The following JAKMIP3 variants were observed in gnomAD, a reference collection of about 807,000 sequenced individuals.
The protein encoded by JAKMIP3 is Janus kinase and microtubule interacting protein 3, also known as janus kinase and microtubule-interacting protein 3.
A neutral mutation model predicts 118.5 loss-of-function variants in JAKMIP3; 58 were observed. That is an observed-to-expected ratio of 0.49 (90% confidence interval 0.40 to 0.61). The LOEUF (loss-of-function observed/expected upper bound fraction) is 0.61, where lower values mean the gene tolerates loss of function less well. JAKMIP3 is among the 20% of genes least tolerant of loss of function. The probability of loss-of-function intolerance (pLI) is 0.00; values close to 1 mark genes in which losing one functional copy is unlikely to be tolerated. For synonymous variants in JAKMIP3, 486 were observed against 451.2 expected (o/e 1.08, Z -0.98); for missense variants, 950 against 1,109.0 (o/e 0.86, Z 2.04).
chr10:132,067,314 T>C (rs190633986), intron 1 of JAKMIP3, among the ~76,000 whole-genome samples: 7 of 151,900 alleles, frequency 4.6e-5, no homozygotes, highest in Non-Finnish European at 1.0e-4. Context: ...ATTCCCGAGG[T>C]TTCCCTGCCT....
At chr10:132,099,946 G>A (rs79672184) in intron 1 of JAKMIP3, among the ~76,000 whole-genome samples, 2,275 of 152,316 alleles carry the variant, frequency 0.015, 68 homozygotes, top group African/African-American at 0.052. Flanking sequence ...TGAGATTCAC[G>A]CTGCGTTGCT....
intron 23 of JAKMIP3, among the ~76,000 whole-genome samples, chr10:132,174,338 G>A (rs1054427017): frequency 1.7e-4 from 26 of 152,052 alleles, no homozygotes; most frequent in African/African-American, 1.4e-4. Context: ...CTGTGTTTAC[G>A]TTCAGCAAAA....
Position 132,135,026 on chromosome 10 carries a change from T to G in JAKMIP3, c.850-15T>G. 1.9e-6 allele frequency: 3 copies of G among 1,611,714 alleles called. No individual in the cohort carries two copies. The highest frequency in any genetic ancestry group is 2.2e-5 in the South Asian group (2 of 91,028). ...GTGGGTAGGAACCGTTATTTGCAGTTGATTTTTGTTTTAGGAACAGCAGTT... is the reference window on the plus strand; with the variant it reads ...GTGGGTAGGAACCGTTATTTGCAGTGGATTTTTGTTTTAGGAACAGCAGTT... On this transcript the variant is annotated splice_polypyrimidine_tract_variant and intron_variant, in intron 4 of 23. Coordinates refer to ENST00000684848, the MANE Select transcript of JAKMIP3 (RefSeq NM_001323087.2).
At chr10:132,038,912 C>T (rs2037615026) in intron 1 of JAKMIP3, among the ~76,000 whole-genome samples, 1 of 151,920 alleles carries the variant, frequency 6.6e-6, no homozygotes, top group Non-Finnish European at 1.5e-5. Flanking sequence ...AAGAGCTGGG[C>T]TGCAGGGGCT....
rs998424868 is a variant in JAKMIP3, at chr10:132,093,045, G to A, written c.-137-11627G>A. ...TTTCTGGAGGTCCACTCCAGACCCT[G>A]TTTGCCTGGGTGTCAGCAGTGGAGG... On this transcript the variant is annotated intron_variant, in intron 1 of 23. Transcript: ENST00000684848. 2.0e-5 allele frequency among the ~76,000 whole-genome samples: 3 copies of A among 152,346 alleles called. No individual in the cohort carries two copies. The East Asian group carries it at 5.8e-4, about 29-fold the overall frequency.
chr10:132,047,636 C>A (rs61215331), intron 1 of JAKMIP3, among the ~76,000 whole-genome samples: 18,678 of 99,650 alleles, frequency 0.19, 1,300 homozygotes, highest in African/African-American at 0.23. Context: ...TCCCCACCCC[C>A]CCCTGCGAGT....
At chr10:132,180,758 T>TGC (rs1554963450) in intron 23 of JAKMIP3, among the ~76,000 whole-genome samples, 402 of 18,056 alleles carry the variant, frequency 0.022, 91 homozygotes, top group East Asian at 0.039. Flanking sequence ...CGCGCGTGTG[T>TGC]GCGTGTGTGT....
In JAKMIP3 at chr10:132,178,050, C is replaced by T. The variant is rs180993673; in HGVS notation, c.*1104-4307C>T. Among the ~76,000 whole-genome samples, 77 of 152,342 alleles carry T rather than the reference C, an allele frequency of 5.1e-4. No individual in the cohort carries two copies. The South Asian group carries it at 7.0e-3, about 14-fold the overall frequency. ...GTGTGTGAACCTGCTCCTGTGCACC[C>T]GCTTCTGTGCACCCACTTCACTGTC... On this transcript the variant is annotated intron_variant, in intron 23 of 23. Transcript: ENST00000684848.
intron 2 of JAKMIP3, among the ~76,000 whole-genome samples, chr10:132,114,206 G>T (rs1376707123): frequency 6.6e-6 from 1 of 152,226 alleles, no homozygotes; most frequent in Non-Finnish European, 1.5e-5. Context: ...CTTCTGTGCA[G>T]CATGGCACAA....
chr10:132,174,636 T>C (rs1465331673), intron 23 of JAKMIP3, among the ~76,000 whole-genome samples: 1 of 152,162 alleles, frequency 6.6e-6, no homozygotes, highest in Non-Finnish European at 1.5e-5. Flanking sequence ...ATACCTAGGA[T>C]TGGGTCTGCT....
intron 1 of JAKMIP3, among the ~76,000 whole-genome samples, chr10:132,085,386 T>G (rs9419354): frequency 0.12 from 17,778 of 152,224 alleles, 1,218 homozygotes; most frequent in East Asian, 0.3. Flanking sequence ...GAATGATCTT[T>G]TGTATTTCTG....
At chr10:132,130,527 G>T (rs2135628212) in intron 3 of JAKMIP3, among the ~76,000 whole-genome samples, 1 of 152,358 alleles carries the variant, frequency 6.6e-6, no homozygotes, top group East Asian at 1.9e-4. Context: ...AGTGACGCCT[G>T]CCAGACGTGA....
chr10:132,055,412 T>A (rs2038211470), intron 1 of JAKMIP3, among the ~76,000 whole-genome samples: 1 of 152,172 alleles, frequency 6.6e-6, no homozygotes, highest in Non-Finnish European at 1.5e-5. Context: ...AAACAGTGGC[T>A]AAGAGCACAT....
At chr10:132,139,490 GTATGTGAGTGTGTA>G (rs1303574536) in intron 9 of JAKMIP3, among the ~76,000 whole-genome samples, 90 of 141,076 alleles carry the variant, frequency 6.4e-4, no homozygotes, top group African/African-American at 2.0e-3. Context: ...GTGTGTGAGA[GTATGTGAGTGTGTA>G]TGTGTGAGTG....
intron 3 of JAKMIP3, among the ~76,000 whole-genome samples, chr10:132,126,112 C>T (rs1491191): frequency 0.79 from 119,570 of 152,044 alleles, 48,054 homozygotes; most frequent in East Asian, 0.99. Context: ...CTTTTGTTTT[C>T]TCCTTTGCCT....
chr10:132,149,434 C>T lies in JAKMIP3; in HGVS notation c.1871C>T (p.Ala624Val). The change falls in exon 15 of 24, where the codon GCC becomes GTC. Residue 624 changes from alanine to valine, a missense_variant. By Grantham distance (64) the Ala-to-Val change is moderately conservative (BLOSUM62 0). Transcript: ENST00000684848. ...TAGGAGAGGGAGAGGAAGTCACCCG[C>T]CATCAGCTTCCACCACACGCCCTTC... The part of the protein sequence containing the change: ...ELEERERKSP[A>V]ISFHHTPFVD... 6.2e-7 allele frequency: 1 copy of T among 1,605,204 alleles called. No individual in the cohort carries two copies. The highest frequency in any genetic ancestry group is 8.5e-7 in the Non-Finnish European group (1 of 1,176,632).
chr10:132,154,962 TATCATGATGGTGATCATGATGGGG>T (rs2056859747), intron 19 of JAKMIP3, among the ~76,000 whole-genome samples: 2 of 8,682 alleles, frequency 2.3e-4, no homozygotes, highest in African/African-American at 8.0e-4. Flanking sequence ...TGATAATGGT[TATCATGATGGTGATCATGATGGGG>T]ATGATGGTGA....
intron 1 of JAKMIP3, among the ~76,000 whole-genome samples, chr10:132,088,188 A>T (rs887977720): frequency 6.6e-6 from 1 of 151,964 alleles, no homozygotes; most frequent in Non-Finnish European, 1.5e-5. Context: ...GTGTCTTTAT[A>T]GCAGCATGAT....
chr10:132,148,141 A>G, intron 14 of JAKMIP3, 91 bp downstream of exon 14: 1 of 674,586 alleles, frequency 1.5e-6, no homozygotes, highest in Non-Finnish European at 2.5e-6. Context: ...CCTGAACATG[A>G]ACATGAACAT....
Sources: gnomAD v4.1 joint callset for allele counts (sites outside exome capture counted in the v4.1 genomes callset) on GRCh38, gnomAD v4.1.1 for gene constraint, MANE v1.5 for transcripts, NCBI Gene and HGNC (gene_info 2026-07-23, HGNC 2026-07-21) for gene names.